RPS29: variants seen among roughly 807,000 people sequenced by gnomAD.
RPS29 encodes small ribosomal subunit protein uS14.
For synonymous variants in RPS29, 37 were observed against 26.9 expected (o/e 1.37, Z -1.16); for missense variants, 60 against 75.7 (o/e 0.79, Z 0.77).
At chr14:49,574,572 C>T (rs945581501) in exon 3 of RPS29, 2 of 152,194 alleles carry the variant, frequency 1.3e-5, no homozygotes, top group African/African-American at 4.8e-5. Flanking sequence ...CTTTCTCTCC[C>T]TACGTCTCCA....
At chr14:49,583,046 T>C (rs1881389283), downstream of RPS29, among the ~76,000 whole-genome samples, 1 of 152,208 alleles carries the variant, frequency 6.6e-6, no homozygotes, top group Non-Finnish European at 1.5e-5. Flanking sequence ...GGTCTCAGTA[T>C]GTTGCCCAGG....
chr14:49,594,342 C>CA (rs112231373), intron 1 of RPS29, among the ~76,000 whole-genome samples: 3,671 of 123,704 alleles, frequency 0.03, 111 homozygotes, highest in African/African-American at 0.087. Context: ...GAACCTGTCT[C>CA]AAAAAAAAAA....
At chr14:49,585,537 A>T (rs906000417) in intron 2 of RPS29, 21 of 257,738 alleles carry the variant, frequency 8.1e-5, no homozygotes, top group African/African-American at 4.0e-4. Flanking sequence ...GAGCCGTAAC[A>T]ACGCCACTGC....
downstream of RPS29, among the ~76,000 whole-genome samples, chr14:49,581,757 A>C (rs979091503): frequency 6.6e-6 from 1 of 152,090 alleles, no homozygotes; most frequent in South Asian, 2.1e-4. Context: ...GGCTGGCTGT[A>C]GTGGTGCTCA....
chr14:49,581,625 C>T (rs1478760726), downstream of RPS29, among the ~76,000 whole-genome samples: 7 of 152,144 alleles, frequency 4.6e-5, no homozygotes, highest in Non-Finnish European at 8.8e-5. Flanking sequence ...GCTATTCTCC[C>T]GCCTAGGCCT....
At chr14:49,588,552 G>A (rs1438236374), upstream of RPS29, among the ~76,000 whole-genome samples, 1 of 151,778 alleles carries the variant, frequency 6.6e-6, no homozygotes, top group Non-Finnish European at 1.5e-5. Flanking sequence ...TTTTGAGACG[G>A]AGTCTCACTC....
chr14:49,586,414 G>T (rs962352596), upstream of RPS29: 1 of 1,416,356 alleles, frequency 7.1e-7, no homozygotes, highest in African/African-American at 1.4e-5. Context: ...TCAAATTTTT[G>T]AGACAGTTTA....
chr14:49,578,678 A>G (rs1026041713), downstream of RPS29, among the ~76,000 whole-genome samples: 46 of 147,182 alleles, frequency 3.1e-4, no homozygotes, highest in African/African-American at 1.1e-3. Flanking sequence ...CTTGTGCCTC[A>G]GCCCCCCAAG....
chr14:49,589,516 T>C (rs1566484922), upstream of RPS29, among the ~76,000 whole-genome samples: 1 of 152,258 alleles, frequency 6.6e-6, no homozygotes, highest in Non-Finnish European at 1.5e-5. Flanking sequence ...ATTCTTACAG[T>C]CTTCTGTGAT....
upstream of RPS29, among the ~76,000 whole-genome samples, chr14:49,587,566 G>T (rs577513856): frequency 6.6e-6 from 1 of 152,302 alleles, no homozygotes; most frequent in South Asian, 2.1e-4. Context: ...CATTAAGTTA[G>T]GCATTGTATT....
exon 3 of RPS29, chr14:49,577,579 A>G: frequency 1.5e-6 from 1 of 652,470 alleles, no homozygotes; most frequent in South Asian, 1.7e-5. Context: ...GAACTTCCAG[A>G]AGCCACTGGG....
Position 49,586,268 on chromosome 14 carries a change from C to T in RPS29, c.62+17G>A, listed in dbSNP as rs1256449494. ...CTCCACGGCAACGCTTCCCCAAAAT[C>T]ACAAACTATTTCTCACCAAGAGCGA... is the stretch of plus-strand genomic sequence containing the variant. On this transcript the variant is annotated intron_variant, in intron 1 of 2. Coordinates refer to ENST00000245458, the MANE Select transcript of RPS29 (RefSeq NM_001032.5). 6 of 1,613,190 alleles carry T rather than the reference C, an allele frequency of 3.7e-6. No individual in the cohort carries two copies. Among genetic ancestry groups the T allele is most frequent in the Non-Finnish European group, 5.1e-6 (6 of 1,179,166 alleles).
downstream of RPS29, among the ~76,000 whole-genome samples, chr14:49,583,143 T>C (rs1212700955): frequency 2.0e-5 from 3 of 152,188 alleles, no homozygotes; most frequent in East Asian, 1.9e-4. Flanking sequence ...TTTTGTAAAG[T>C]ATAAAAATAA....
In RPS29 at chr14:49,593,692, CAAAAAAA is replaced by C. The variant is rs10647593; in HGVS notation, c.-133+4701_-133+4707del. Among the ~76,000 whole-genome samples the C allele has an allele frequency of 3.0e-3, 167 of 56,300 alleles. 1 individual carries two copies. The highest frequency in any genetic ancestry group is 7.4e-3 in the African/African-American group (115 of 15,504). The allele number at this position is 56,300 out of a possible 152,430, so 36.9% of individuals were successfully genotyped here. On this transcript the variant is annotated intron_variant, in intron 1 of 3. Transcript: ENST00000556230. ...TGGGCGACAGAGCAAGACTCTGTCT[CAAAAAAA>C]AAAAAAAAAAAAAAAAAGACGTTTT...
At chr14:49,597,112 C>T (rs1003926987) in intron 1 of RPS29, among the ~76,000 whole-genome samples, 1 of 152,098 alleles carries the variant, frequency 6.6e-6, no homozygotes, top group African/African-American at 2.4e-5. Context: ...CGGGGTTTCA[C>T]CATGCTGGCC....
exon 3 of RPS29, chr14:49,576,219 G>A (rs1433549260): frequency 6.6e-6 from 1 of 151,838 alleles, no homozygotes; most frequent in East Asian, 1.9e-4. Context: ...GAGAAACTGG[G>A]ACTACAGACA....
At chr14:49,578,559 C>CTTTTTTTTTTTTTTTTTTTTTTTTTTTTT (rs60555753) in intron 2 of RPS29, among the ~76,000 whole-genome samples, 1 of 103,466 alleles carries the variant, frequency 9.7e-6, no homozygotes. Context: ...AAAGCTTTCA[C>CTTTTTTTTTTTTTTTTTTTTTTTTTTTTT]TTTTTTTTTT....
intron 1 of RPS29, chr14:49,597,803 C>G (rs1201819154): frequency 6.6e-6 from 1 of 152,172 alleles, no homozygotes; most frequent in Non-Finnish European, 1.5e-5. Context: ...CGCGCCACCA[C>G]GCCCGGCTAA....
chr14:49,578,325 G>C (rs1341969082), intron 2 of RPS29, among the ~76,000 whole-genome samples: 1 of 151,960 alleles, frequency 6.6e-6, no homozygotes, highest in African/African-American at 2.4e-5. Context: ...TGCAGTATCT[G>C]GATACTCAAT....
Sources: gnomAD v4.1 joint callset for allele counts (sites outside exome capture counted in the v4.1 genomes callset) on GRCh38, gnomAD v4.1.1 for gene constraint, MANE v1.5 for transcripts, NCBI Gene and HGNC (gene_info 2026-07-23, HGNC 2026-07-21) for gene names.